The following XPR1 variants were observed in gnomAD, a reference collection of about 807,000 sequenced individuals.
XPR1 encodes the protein solute carrier family 53 member 1.
XPR1 carries 28 observed loss-of-function variants against 87.5 expected under a neutral mutation model. That is an observed-to-expected ratio of 0.32 (90% CI 0.24 to 0.44). The LOEUF (loss-of-function observed/expected upper bound fraction) is 0.44, where lower values mean the gene tolerates loss of function less well. Among genes scored for constraint, XPR1 ranks in the 20% least tolerant of loss-of-function variants. XPR1 has a pLI of 1.00. For missense variants in XPR1, 559 were observed against 862.3 expected (o/e 0.65, Z 4.41); for synonymous variants, 300 against 306.1 (o/e 0.98, Z 0.21).
intron 2 of XPR1, among the ~76,000 whole-genome samples, chr1:180,735,829 G>T (rs7548318): frequency 0.81 from 123,885 of 152,168 alleles, 50,856 homozygotes; most frequent in East Asian, 0.95. Context: ...TCTTCTAGTT[G>T]CAGTTCCCAT....
chr1:180,885,420 G>A lies in XPR1; in HGVS notation c.*1354G>A, dbSNP rs1652981261. The A allele has an allele frequency of 6.6e-6, 1 of 152,250 alleles. No individual in the cohort carries two copies. Among genetic ancestry groups the A allele is most frequent in the Non-Finnish European group, 1.5e-5 (1 of 68,024 alleles). The allele number at this position is 152,250 out of a possible 1,614,324, so 9.4% of individuals were successfully genotyped here. A position where few individuals can be genotyped will look rare whatever the true frequency, so the allele number is the denominator to read the frequency against. The stretch of plus-strand genomic sequence containing the variant: ...TCATACATGAAAAGTACACTGCTTA[G>A]AAATTATAGACTATTATGATCTGTC... On this transcript the variant is annotated 3_prime_UTR_variant, in exon 15 of 15. Coordinates refer to ENST00000367590, the MANE Select transcript of XPR1 (RefSeq NM_004736.4).
intron 2 of XPR1, among the ~76,000 whole-genome samples, chr1:180,785,047 T>TGTGTGTGTGTG (rs1649088687): frequency 2.6e-4 from 10 of 37,868 alleles, no homozygotes; most frequent in African/African-American, 5.8e-4. Flanking sequence ...GTGTGTGTGT[T>TGTGTGTGTGTG]ACTATAACCT....
At chr1:180,656,743 A>G (rs1655546525) in intron 1 of XPR1, among the ~76,000 whole-genome samples, 2 of 142,348 alleles carry the variant, frequency 1.4e-5, no homozygotes, top group South Asian at 4.3e-4. Flanking sequence ...TCATCTGTTG[A>G]CAGACACTTG....
intron 14 of XPR1, among the ~76,000 whole-genome samples, chr1:180,883,727 A>G (rs1652919410): frequency 7.1e-6 from 1 of 141,188 alleles, no homozygotes; most frequent in Admixed American, 7.1e-5. Flanking sequence ...AAAAAAAATC[A>G]AAGTCAGTAC....
intron 14 of XPR1, among the ~76,000 whole-genome samples, chr1:180,880,863 C>T (rs1652831374): frequency 1.3e-5 from 2 of 152,048 alleles, no homozygotes; most frequent in African/African-American, 4.8e-5. Context: ...TCATTGACTA[C>T]GTATGTTGCT....
intron 2 of XPR1, among the ~76,000 whole-genome samples, chr1:180,730,037 T>C (rs888669668): frequency 6.6e-6 from 1 of 152,216 alleles, no homozygotes; most frequent in African/African-American, 2.4e-5. Flanking sequence ...TACATATAAG[T>C]CTGCAATACA....
chr1:180,674,351 C>T (rs531225090), intron 1 of XPR1, among the ~76,000 whole-genome samples: 29 of 152,244 alleles, frequency 1.9e-4, no homozygotes, highest in African/African-American at 5.3e-4. Flanking sequence ...TGCCGCCTCC[C>T]GGGTTCAAGT....
intron 2 of XPR1, among the ~76,000 whole-genome samples, chr1:180,748,856 C>A (rs982761988): frequency 6.6e-6 from 1 of 152,098 alleles, no homozygotes; most frequent in Admixed American, 6.6e-5. Flanking sequence ...CGGAAATTGG[C>A]AAATATGCAA....
chr1:180,752,539 C>T (rs986030968), intron 2 of XPR1, among the ~76,000 whole-genome samples: 2 of 151,744 alleles, frequency 1.3e-5, no homozygotes, highest in African/African-American at 4.8e-5. Flanking sequence ...TTTTTATTTT[C>T]TATATGTAAG....
At chr1:180,759,339 A>G (rs1647895786) in intron 2 of XPR1, among the ~76,000 whole-genome samples, 1 of 152,194 alleles carries the variant, frequency 6.6e-6, no homozygotes, top group Non-Finnish European at 1.5e-5. Flanking sequence ...TGGTTTTTTG[A>G]AAGATCAACA....
chr1:180,769,152 T>C (rs988483003), intron 2 of XPR1, among the ~76,000 whole-genome samples: 8 of 152,198 alleles, frequency 5.3e-5, no homozygotes, highest in East Asian at 1.9e-4. Flanking sequence ...TATATAGTTA[T>C]AGGGTACATG....
rs1402862813 is a variant in XPR1, at chr1:180,811,475, C to G, written c.750C>G (p.Thr250=). 1.2e-6 allele frequency: 2 copies of G among 1,611,200 alleles called. No individual in the cohort carries two copies. The highest frequency in any genetic ancestry group is 2.7e-5 in the African/African-American group (2 of 74,744). ...GAATATTCATTGTACTGAATATTAC[C>G]CTTGTGCTTGCCGGTAAGTAGTTTA... ...FCGIFIVLNI[T]LVLAAVFKLE... is the part of the protein sequence containing the mutation. Residue 250 remains threonine (T), a synonymous_variant, in exon 7 of 15, where the codon ACC becomes ACG. Coordinates refer to ENST00000367590, the MANE Select transcript of XPR1 (RefSeq NM_004736.4).
In XPR1 at chr1:180,763,448, G is replaced by A. The variant is rs368799973; in HGVS notation, c.122-24305G>A. 1.3e-4 allele frequency among the ~76,000 whole-genome samples: 20 copies of A among 152,330 alleles called. No homozygotes were observed. In the East Asian group the frequency reaches 2.3e-3, roughly 18 times the overall value. ...TCTGACCTCCTTACATATGCAAAAA[G>A]TATACCCTCGGAGTCTGTGGGTAAG... On this transcript the variant is annotated intron_variant, in intron 2 of 14. Coordinates refer to ENST00000367590, the MANE Select transcript of XPR1 (RefSeq NM_004736.4).
At chr1:180,764,278 A>G (rs1423593723) in intron 2 of XPR1, among the ~76,000 whole-genome samples, 1 of 152,200 alleles carries the variant, frequency 6.6e-6, no homozygotes, top group Non-Finnish European at 1.5e-5. Flanking sequence ...TTGTATATAT[A>G]AAACATAAGT....
chr1:180,858,550 G>A (rs544023701), intron 11 of XPR1, among the ~76,000 whole-genome samples: 4 of 152,272 alleles, frequency 2.6e-5, no homozygotes, highest in African/African-American at 9.6e-5. Flanking sequence ...ATGTTCCTTA[G>A]ATGAGGATTC....
chr1:180,801,327 G>A (rs1367898200), intron 3 of XPR1, among the ~76,000 whole-genome samples: 1 of 152,200 alleles, frequency 6.6e-6, no homozygotes, highest in African/African-American at 2.4e-5. Flanking sequence ...CCCCCTCAGG[G>A]GGATGTGATT....
chr1:180,718,386 A>G (rs1299689535), intron 2 of XPR1, among the ~76,000 whole-genome samples: 1 of 152,234 alleles, frequency 6.6e-6, no homozygotes, highest in African/African-American at 2.4e-5. Flanking sequence ...ACCAGTGGGT[A>G]TGGAGTGGCA....
chr1:180,753,242 A>T (rs967313240), intron 2 of XPR1, among the ~76,000 whole-genome samples: 1 of 152,206 alleles, frequency 6.6e-6, no homozygotes, highest in African/African-American at 2.4e-5. Flanking sequence ...GAGCAATTGA[A>T]AAGTACTTGT....
At chr1:180,833,654 G>A (rs1651158989) in intron 9 of XPR1, among the ~76,000 whole-genome samples, 1 of 151,916 alleles carries the variant, frequency 6.6e-6, no homozygotes, top group African/African-American at 2.4e-5. Flanking sequence ...TTAAAAACAA[G>A]AACAAAGCTT....
Sources: gnomAD v4.1 joint callset for allele counts (sites outside exome capture counted in the v4.1 genomes callset) on GRCh38, gnomAD v4.1.1 for gene constraint, MANE v1.5 for transcripts, NCBI Gene and HGNC (gene_info 2026-07-23, HGNC 2026-07-21) for gene names.